Variants in PGM2 observed in about 807,000 individuals in gnomAD.
PGM2 encodes phosphopentomutase.
PGM2 carries 57 observed loss-of-function variants against 74.6 expected under a neutral mutation model. That is an observed-to-expected ratio of 0.76 (90% CI 0.62 to 0.95). The LOEUF (loss-of-function observed/expected upper bound fraction) is 0.95, where lower values mean the gene tolerates loss of function less well. Ranked by LOEUF, PGM2 falls within the 40% of genes least tolerant of loss-of-function variation. The pLI is 0.00. For synonymous variants in PGM2, 273 were observed against 260.7 expected (o/e 1.05, Z -0.46); for missense variants, 706 against 741.9 (o/e 0.95, Z 0.56).
At chr4:37,829,879 A>G (rs1050671926) in intron 1 of PGM2, 85 bp from the exon 2 acceptor site, 35 of 540,560 alleles carry the variant, frequency 6.5e-5, no homozygotes, top group Non-Finnish European at 1.0e-4. Context: ...TATATTTTCT[A>G]TAGATTAGAA....
At position 37,848,508 on chromosome 4, in the gene PGM2, G is replaced by T. The variant is rs376077415; in HGVS notation, c.1283-14G>T. Reference sequence around the variant, plus strand: ...AGTATTGTATAGATGTATGTATGACGTGTGTTTCTGCAGGATACATGTGCT... The same window carrying T: ...AGTATTGTATAGATGTATGTATGACTTGTGTTTCTGCAGGATACATGTGCT... On this transcript the variant is annotated splice_polypyrimidine_tract_variant and intron_variant, in intron 10 of 13. Coordinates refer to ENST00000381967, the MANE Select transcript of PGM2 (RefSeq NM_018290.4). The T allele has an allele frequency of 8.7e-6, 14 of 1,608,782 alleles. No homozygotes were observed. Among genetic ancestry groups the T allele is most frequent in the Non-Finnish European group, 1.1e-5 (13 of 1,176,436 alleles).
In PGM2 at chr4:37,861,849, G is replaced by GT. The variant is rs1711788487; in HGVS notation, c.*238dup. 1 of 374,976 alleles carries GT rather than the reference G, an allele frequency of 2.7e-6. No homozygotes were observed. Among genetic ancestry groups the GT allele is most frequent in the Non-Finnish European group, 4.9e-6 (1 of 202,334 alleles). The allele number at this position is 374,976 out of a possible 1,614,324, so 23.2% of individuals were successfully genotyped here. A position where few individuals can be genotyped will look rare whatever the true frequency, so the allele number is the denominator to read the frequency against. ...GAGCTTGGACATATTTTGAATTTTT[G>GT]TAAGTGAAGATTTTTAAACTGACTA... On this transcript the variant is annotated 3_prime_UTR_variant, in exon 14 of 14. Transcript: ENST00000381967.
At chr4:37,854,913 C>T (rs895520844) in intron 12 of PGM2, among the ~76,000 whole-genome samples, 2 of 151,972 alleles carry the variant, frequency 1.3e-5, no homozygotes, top group Non-Finnish European at 2.9e-5. Context: ...TATGTTAATT[C>T]ACAAATAAAA....
chr4:37,842,286 G>C (rs1339189602), intron 6 of PGM2, among the ~76,000 whole-genome samples: 7 of 151,050 alleles, frequency 4.6e-5, no homozygotes, highest in African/African-American at 9.7e-5. Context: ...TTAAAAATCT[G>C]TATAATATTT....
intron 6 of PGM2, 86 bp from the exon 7 acceptor site, chr4:37,844,278 G>C: frequency 1.3e-6 from 1 of 764,496 alleles, no homozygotes; most frequent in Non-Finnish European, 2.2e-6. Context: ...AAGATGTTCA[G>C]TTGTCTTGTG....
chr4:37,841,158 T>G (rs868716700), intron 6 of PGM2, among the ~76,000 whole-genome samples: 8 of 101,456 alleles, frequency 7.9e-5, no homozygotes, highest in African/African-American at 1.6e-4. Flanking sequence ...ATAGGAATAT[T>G]TGTGTGTGTG....
At chr4:37,834,503 C>G (rs1725514458) in intron 2 of PGM2, 115 bp from the exon 3 acceptor site, 2 of 533,758 alleles carry the variant, frequency 3.7e-6, no homozygotes, top group Non-Finnish European at 6.7e-6. Flanking sequence ...ATTTTTCCCT[C>G]TCTCCCATAG....
Position 37,839,934 on chromosome 4 carries a change from A to G in PGM2, c.525+3A>G, listed in dbSNP as rs1454371981. On this transcript the variant is annotated splice_donor_region_variant and intron_variant, in intron 5 of 13. Transcript: ENST00000381967. ...CAAAGCAGGATAATGGTTATAAGGT[A>G]TTTTCCTTTTTCTACTCCACACGTA... The G allele has an allele frequency of 6.3e-7, 1 of 1,582,476 alleles. No individual in the cohort carries two copies. Among genetic ancestry groups the G allele is most frequent in the East Asian group, 2.2e-5 (1 of 44,726 alleles).
chr4:37,846,852 G>A, intron 8 of PGM2, 79 bp from the exon 9 acceptor site: 1 of 1,131,226 alleles, frequency 8.8e-7, no homozygotes, highest in East Asian at 2.4e-5. Flanking sequence ...TTGCTAAATT[G>A]TTTTATCCCC....
intron 10 of PGM2, among the ~76,000 whole-genome samples, chr4:37,847,778 C>T (rs996097458): frequency 1.3e-5 from 2 of 152,218 alleles, no homozygotes; most frequent in African/African-American, 4.8e-5. Context: ...GACAGAAAAA[C>T]CCTTGTCCTA....
intron 6 of PGM2, among the ~76,000 whole-genome samples, chr4:37,843,462 G>A (rs1287363600): frequency 6.6e-6 from 1 of 152,078 alleles, no homozygotes; most frequent in Non-Finnish European, 1.5e-5. Flanking sequence ...CAGAGCACTG[G>A]AAGTTTTTAA....
chr4:37,841,100 A>ATATATATATATG lies in PGM2; in HGVS notation c.719+842_719+843insATATATATATGT, dbSNP rs1202149456. On this transcript the variant is annotated intron_variant, in intron 6 of 13. Transcript: ENST00000381967. ...TATATATATATATATATATATATAT[A>ATATATATATATG]TGTGTGTGTGTGTGTTTGTATATGT... 3.9e-3 allele frequency among the ~76,000 whole-genome samples: 455 copies of ATATATATATATG among 115,636 alleles called. 1 individual carries two copies. Among genetic ancestry groups the ATATATATATATG allele is most frequent in the African/African-American group, 0.014 (393 of 27,954 alleles). The allele number at this position is 115,636 out of a possible 152,430, so 75.9% of individuals were successfully genotyped here.
chr4:37,848,129 A>G (rs1725929588), intron 10 of PGM2, among the ~76,000 whole-genome samples: 1 of 152,246 alleles, frequency 6.6e-6, no homozygotes, highest in Admixed American at 6.5e-5. Context: ...AGCAGCTTAG[A>G]TAGATTTAGT....
chr4:37,827,992 A>T (rs981694585), intron 1 of PGM2, among the ~76,000 whole-genome samples: 1 of 152,220 alleles, frequency 6.6e-6, no homozygotes, highest in Non-Finnish European at 1.5e-5. Context: ...ATAGTAGGTC[A>T]CTGAAATACT....
intron 6 of PGM2, among the ~76,000 whole-genome samples, chr4:37,841,606 T>C (rs1240764720): frequency 6.6e-6 from 1 of 152,214 alleles, no homozygotes; most frequent in Non-Finnish European, 1.5e-5. Context: ...AGTTCTCCTC[T>C]TCCCAAAATA....
intron 11 of PGM2, among the ~76,000 whole-genome samples, chr4:37,849,210 G>A (rs6845951): frequency 0.8 from 122,220 of 152,074 alleles, 49,344 homozygotes; most frequent in African/African-American, 0.87. Flanking sequence ...TAAGTGTCCA[G>A]TATCAAAAAA....
chr4:37,860,570 A>G (rs1181722848), intron 13 of PGM2, among the ~76,000 whole-genome samples: 1 of 152,258 alleles, frequency 6.6e-6, no homozygotes, highest in Non-Finnish European at 1.5e-5. Context: ...TAGCTATTAC[A>G]GTACTGTTTA....
intron 11 of PGM2, among the ~76,000 whole-genome samples, chr4:37,849,748 T>C (rs1019646826): frequency 1.3e-5 from 2 of 151,852 alleles, no homozygotes; most frequent in African/African-American, 2.4e-5. Context: ...ATTATTCCTT[T>C]GGCGTCAGTT....
intron 13 of PGM2, among the ~76,000 whole-genome samples, chr4:37,860,936 T>C (rs1294876366): frequency 1.3e-5 from 2 of 152,178 alleles, no homozygotes; most frequent in East Asian, 3.8e-4. Context: ...ATAGATTCAT[T>C]ATGATATGAC....
Sources: allele counts gnomAD v4.1 joint callset (sites outside exome capture counted in the v4.1 genomes callset), GRCh38; gene constraint gnomAD v4.1.1; transcripts MANE v1.5; gene names NCBI Gene and HGNC (gene_info 2026-07-23, HGNC 2026-07-21).